RAPGEF5: variants seen among roughly 807,000 people sequenced by gnomAD.
The protein encoded by RAPGEF5 is M-Ras-regulated GEF.
A neutral mutation model predicts 125.2 loss-of-function variants in RAPGEF5; 65 were observed. The ratio of observed to expected loss-of-function variants is 0.52; its 90% CI spans 0.43 to 0.64. RAPGEF5 has a LOEUF of 0.64. Ranked by LOEUF, RAPGEF5 falls within the 30% of genes least tolerant of loss-of-function variation. The probability of loss-of-function intolerance (pLI) is 0.00; values close to 1 mark genes in which losing one functional copy is unlikely to be tolerated. For synonymous variants in RAPGEF5, 391 were observed against 385.9 expected, an observed-to-expected ratio of 1.01 and a Z score of -0.16; for missense variants, 958 against 1,048.1, an observed-to-expected ratio of 0.91 and a Z score of 1.19.
intron 25 of RAPGEF5, among the ~76,000 whole-genome samples, chr7:22,123,471 G>C (rs546865720): frequency 6.6e-6 from 1 of 152,212 alleles, no homozygotes; most frequent in African/African-American, 2.4e-5. Flanking sequence ...GACAGGCAGG[G>C]TGAGCTGCTG....
chr7:22,223,722 G>T (rs950546491), intron 8 of RAPGEF5, among the ~76,000 whole-genome samples: 1 of 152,040 alleles, frequency 6.6e-6, no homozygotes, highest in Admixed American at 6.6e-5. Flanking sequence ...GAAATACAGG[G>T]GTAAATATGC....
chr7:22,286,001 G>T (rs182360811), intron 6 of RAPGEF5, among the ~76,000 whole-genome samples: 3 of 152,326 alleles, frequency 2.0e-5, no homozygotes, highest in African/African-American at 7.2e-5. Flanking sequence ...AGAGTGCCCA[G>T]TTACATGATC....
chr7:22,326,061 T>C (rs1783808397), intron 1 of RAPGEF5, among the ~76,000 whole-genome samples: 1 of 152,244 alleles, frequency 6.6e-6, no homozygotes, highest in African/African-American at 2.4e-5. Flanking sequence ...CTTTCTTCCC[T>C]TCTTTGGCAT....
chr7:22,128,141 C>G (rs1304154419), intron 24 of RAPGEF5, among the ~76,000 whole-genome samples: 1 of 152,104 alleles, frequency 6.6e-6, no homozygotes, highest in African/African-American at 2.4e-5. Flanking sequence ...GGCATTGAAA[C>G]CTGAGTTCTG....
At chr7:22,155,095 T>G (rs377448090) in intron 16 of RAPGEF5, among the ~76,000 whole-genome samples, 2 of 152,368 alleles carry the variant, frequency 1.3e-5, no homozygotes, top group Non-Finnish European at 2.9e-5. Flanking sequence ...ATTTTGCTAT[T>G]AGAATTCTCA....
At chr7:22,217,190 T>C (rs1785658369) in intron 9 of RAPGEF5, among the ~76,000 whole-genome samples, 1 of 152,248 alleles carries the variant, frequency 6.6e-6, no homozygotes, top group Admixed American at 6.5e-5. Flanking sequence ...TGAAGCATTT[T>C]AAAATCATAA....
intron 7 of RAPGEF5, among the ~76,000 whole-genome samples, chr7:22,257,648 G>A (rs1255834593): frequency 6.6e-6 from 1 of 152,156 alleles, no homozygotes; most frequent in African/African-American, 2.4e-5. Flanking sequence ...GCCAACTCAA[G>A]CATTGAGAAT....
At chr7:22,136,192 A>C in intron 22 of RAPGEF5, 67 bp from the exon 23 acceptor site, 1 of 1,172,732 alleles carries the variant, frequency 8.5e-7, no homozygotes, top group South Asian at 1.4e-5. Flanking sequence ...TTCTAAATCC[A>C]CCTTTGCTAC....
intron 11 of RAPGEF5, among the ~76,000 whole-genome samples, chr7:22,168,313 G>A (rs563471358): frequency 1.3e-5 from 2 of 152,286 alleles, no homozygotes; most frequent in East Asian, 1.9e-4. Context: ...TACCATACAA[G>A]TATCGAGGAG....
Position 22,162,500 on chromosome 7 carries a change from T to A in RAPGEF5, c.1325A>T (p.Asp442Val), listed in dbSNP as rs767882831. 6.2e-7 allele frequency: 1 copy of A among 1,609,438 alleles called. No homozygotes were observed. Among genetic ancestry groups the A allele is most frequent in the Non-Finnish European group, 8.5e-7 (1 of 1,175,824 alleles). ...GACTTTACGTTTCCTACGCGGAACG[T>A]CTGAGTTTTCCTCTTTGCCTTGATA... The part of the protein sequence containing the change: ...KKYQGKEENS[D>V]VPRRKRKVLH... Residue 442 changes from aspartate (D) to valine (V), a missense_variant, in exon 13 of 26, where the codon GAC becomes GTC. Physicochemically the swap from Asp to Val is radical, Grantham distance 152. Transcript: ENST00000665637.
chr7:22,128,710 G>A (rs899646571), intron 24 of RAPGEF5, among the ~76,000 whole-genome samples: 1 of 152,154 alleles, frequency 6.6e-6, no homozygotes, highest in Non-Finnish European at 1.5e-5. Context: ...GTCAGCATGA[G>A]GCATGCTGTG....
At chr7:22,305,522 T>C (rs1321894400) in intron 5 of RAPGEF5, among the ~76,000 whole-genome samples, 3 of 152,328 alleles carry the variant, frequency 2.0e-5, no homozygotes, top group East Asian at 1.9e-4. Context: ...ATGGGGTACC[T>C]ATCCTCTCAA....
At chr7:22,147,480 C>A (rs935977715) in intron 18 of RAPGEF5, among the ~76,000 whole-genome samples, 1 of 152,178 alleles carries the variant, frequency 6.6e-6, no homozygotes, top group Non-Finnish European at 1.5e-5. Flanking sequence ...CAAGTCTCAT[C>A]CCAGACACAC....
At chr7:22,333,560 T>C (rs559295218) in intron 1 of RAPGEF5, among the ~76,000 whole-genome samples, 5 of 152,224 alleles carry the variant, frequency 3.3e-5, no homozygotes, top group Non-Finnish European at 5.9e-5. Context: ...TTTTTATTTC[T>C]AAATATTAAT....
chr7:22,167,193 A>G (rs572391082), intron 11 of RAPGEF5, 45 bp from the exon 12 acceptor site: 1 of 1,479,920 alleles, frequency 6.8e-7, no homozygotes, highest in African/African-American at 1.4e-5. Flanking sequence ...AAAGAGGTGG[A>G]TAAGAAGAGC....
intron 6 of RAPGEF5, among the ~76,000 whole-genome samples, chr7:22,268,071 C>T (rs1467457324): frequency 1.3e-5 from 2 of 152,152 alleles, no homozygotes; most frequent in Non-Finnish European, 2.9e-5. Flanking sequence ...GCATTATCAC[C>T]CCTGCAGAAG....
intron 14 of RAPGEF5, among the ~76,000 whole-genome samples, chr7:22,159,423 G>C (rs1287342648): frequency 6.6e-6 from 1 of 152,206 alleles, no homozygotes; most frequent in Non-Finnish European, 1.5e-5. Context: ...TCACAAATTA[G>C]TAATCTGAAA....
chr7:22,206,269 C>T (rs1483259927), intron 9 of RAPGEF5, among the ~76,000 whole-genome samples: 1 of 152,178 alleles, frequency 6.6e-6, no homozygotes, highest in Admixed American at 6.5e-5. Flanking sequence ...TTGTTCATCA[C>T]AGAATTTCAA....
At chr7:22,339,999 C>T (rs1784095734) in intron 1 of RAPGEF5, among the ~76,000 whole-genome samples, 1 of 152,152 alleles carries the variant, frequency 6.6e-6, no homozygotes, top group African/African-American at 2.4e-5. Flanking sequence ...AATGTGAGAA[C>T]TTAAATATTC....
Sources: allele counts gnomAD v4.1 joint callset (sites outside exome capture counted in the v4.1 genomes callset), GRCh38; gene constraint gnomAD v4.1.1; transcripts MANE v1.5; gene names NCBI Gene and HGNC (gene_info 2026-07-23, HGNC 2026-07-21).